HS2ST1: variants seen among roughly 807,000 people sequenced by gnomAD.
HS2ST1 encodes heparan sulfate 2-O-sulfotransferase 1.
A neutral mutation model predicts 42.9 loss-of-function variants in HS2ST1; 18 were observed. The ratio of observed to expected loss-of-function variants is 0.42; its 90% CI spans 0.29 to 0.62. The LOEUF (loss-of-function observed/expected upper bound fraction) is 0.62. HS2ST1 is among the 20% of genes least tolerant of loss of function. The pLI is 0.21. For missense variants in HS2ST1, 334 were observed against 433.8 expected (o/e 0.77, Z 2.04); for synonymous variants, 146 against 152.9 (o/e 0.95, Z 0.33).
At position 87,070,817 on chromosome 1, in the gene HS2ST1, C is replaced by T. The variant is rs1019937041; in HGVS notation, c.125-2117C>T. Among the ~76,000 whole-genome samples, 4 of 152,010 alleles carry T rather than the reference C, an allele frequency of 2.6e-5. No individual in the cohort carries two copies. The East Asian group carries it at 7.7e-4, about 29-fold the overall frequency. ...AGTTTATTTTATGGATTATCTTTTC[C>T]TACTTGCCTTTTAAATATTGGTATC... On this transcript the variant is annotated intron_variant, in intron 1 of 6. Coordinates refer to ENST00000370550, the MANE Select transcript of HS2ST1 (RefSeq NM_012262.4).
At chr1:86,955,260 T>C (rs1048819173) in intron 1 of HS2ST1, among the ~76,000 whole-genome samples, 1 of 152,142 alleles carries the variant, frequency 6.6e-6, no homozygotes, top group Admixed American at 6.5e-5. Flanking sequence ...AGTCATGTAG[T>C]GTAGGAGTCC....
At chr1:86,978,727 A>C (rs1475724096) in intron 1 of HS2ST1, among the ~76,000 whole-genome samples, 3 of 152,158 alleles carry the variant, frequency 2.0e-5, no homozygotes, top group African/African-American at 7.2e-5. Flanking sequence ...TGGAATTTTA[A>C]AAATTAAGAA....
chr1:87,046,482 C>G, intron 1 of HS2ST1: 2 of 1,155,156 alleles, frequency 1.7e-6, no homozygotes, highest in South Asian at 2.4e-5. Flanking sequence ...AAGGAATGGG[C>G]TAAATCAACT....
At chr1:87,036,558 A>G (rs1051687215) in intron 1 of HS2ST1, among the ~76,000 whole-genome samples, 2 of 152,218 alleles carry the variant, frequency 1.3e-5, no homozygotes, top group African/African-American at 4.8e-5. Flanking sequence ...ATGAGAAAAC[A>G]TGGACTAGGT....
chr1:87,059,318 C>T (rs993275605), intron 1 of HS2ST1, among the ~76,000 whole-genome samples: 1 of 152,210 alleles, frequency 6.6e-6, no homozygotes, highest in East Asian at 1.9e-4. Flanking sequence ...AAAGCCAGCT[C>T]TGTCCTTTTA....
At chr1:87,030,873 G>A (rs1166466314) in intron 1 of HS2ST1, among the ~76,000 whole-genome samples, 1 of 152,160 alleles carries the variant, frequency 6.6e-6, no homozygotes, top group East Asian at 1.9e-4. Flanking sequence ...TATACTGAGA[G>A]TCAGTTGTTT....
chr1:87,006,357 C>T (rs1012268882), intron 1 of HS2ST1, among the ~76,000 whole-genome samples: 24 of 152,080 alleles, frequency 1.6e-4, no homozygotes, highest in Admixed American at 1.6e-3. Context: ...TTTATTATTA[C>T]AGCACAACCC....
intron 4 of HS2ST1, among the ~76,000 whole-genome samples, chr1:87,096,294 TTGAA>T (rs1236087534): frequency 6.6e-6 from 1 of 152,202 alleles, no homozygotes; most frequent in Non-Finnish European, 1.5e-5. Context: ...GTTTTACACT[TTGAA>T]TGAATCTTTT....
At chr1:86,924,098 G>A (rs888321972) in intron 1 of HS2ST1, among the ~76,000 whole-genome samples, 4 of 152,168 alleles carry the variant, frequency 2.6e-5, no homozygotes, top group Admixed American at 2.6e-4. Context: ...GGAGAAATTG[G>A]CCAAAACAAA....
intron 1 of HS2ST1, among the ~76,000 whole-genome samples, chr1:86,957,112 T>C (rs1647697586): frequency 6.6e-6 from 1 of 152,226 alleles, no homozygotes; most frequent in African/African-American, 2.4e-5. Flanking sequence ...AATTTTTAGG[T>C]AATGAACAAG....
At chr1:87,020,470 A>G (rs1649910618) in intron 1 of HS2ST1, among the ~76,000 whole-genome samples, 1 of 152,202 alleles carries the variant, frequency 6.6e-6, no homozygotes, top group African/African-American at 2.4e-5. Flanking sequence ...CTTTTATCTC[A>G]AAAGGAGCAT....
At chr1:87,060,582 A>T (rs1651095496) in intron 1 of HS2ST1, among the ~76,000 whole-genome samples, 2 of 152,174 alleles carry the variant, frequency 1.3e-5, no homozygotes, top group Non-Finnish European at 2.9e-5. Flanking sequence ...ATAAACCACA[A>T]CACAGCATGG....
At chr1:86,933,112 T>C (rs1156972269) in intron 1 of HS2ST1, among the ~76,000 whole-genome samples, 1 of 152,196 alleles carries the variant, frequency 6.6e-6, no homozygotes, top group African/African-American at 2.4e-5. Flanking sequence ...CAAAGTTTTT[T>C]CATATGGATT....
At chr1:87,058,942 C>T (rs1294246433) in intron 1 of HS2ST1, among the ~76,000 whole-genome samples, 1 of 151,824 alleles carries the variant, frequency 6.6e-6, no homozygotes, top group African/African-American at 2.4e-5. Flanking sequence ...GCCTGTAGTC[C>T]CAGCTACTCG....
At chr1:87,038,709 A>G (rs1650445184) in intron 1 of HS2ST1, among the ~76,000 whole-genome samples, 1 of 152,160 alleles carries the variant, frequency 6.6e-6, no homozygotes, top group Non-Finnish European at 1.5e-5. Flanking sequence ...ATATTTGTGT[A>G]AAAATGAAGT....
At chr1:86,931,615 T>C (rs527445981) in intron 1 of HS2ST1, among the ~76,000 whole-genome samples, 2 of 152,060 alleles carry the variant, frequency 1.3e-5, no homozygotes. Flanking sequence ...GTGATAAGAA[T>C]TGAGTTAGGA....
At position 86,944,573 on chromosome 1, in the gene HS2ST1, T is replaced by C. The variant is rs1647272990; in HGVS notation, c.124+29413T>C. Among the ~76,000 whole-genome samples, 3 of 152,146 alleles carry C rather than the reference T, an allele frequency of 2.0e-5. No homozygotes were observed. In the South Asian group the frequency reaches 6.2e-4, roughly 32 times the overall value. On this transcript the variant is annotated intron_variant, in intron 1 of 6. Coordinates refer to ENST00000370550, the MANE Select transcript of HS2ST1 (RefSeq NM_012262.4). The stretch of plus-strand genomic sequence containing the variant: ...TTTCACCATGTTGACCAGGCTGGTC[T>C]CGAACTCCTGACCTCAAGTGATCCA...
At chr1:86,995,648 T>C (rs1649075701) in intron 1 of HS2ST1, among the ~76,000 whole-genome samples, 2 of 152,180 alleles carry the variant, frequency 1.3e-5, no homozygotes, top group Non-Finnish European at 2.9e-5. Context: ...ATCTTCTTTA[T>C]TGACTTAATG....
intron 1 of HS2ST1, among the ~76,000 whole-genome samples, chr1:87,057,811 A>G (rs1407048476): frequency 1.3e-5 from 2 of 151,624 alleles, no homozygotes; most frequent in East Asian, 1.9e-4. Flanking sequence ...AGATCATGCC[A>G]CTGCACTCCA....
Sources: allele counts gnomAD v4.1 joint callset (sites outside exome capture counted in the v4.1 genomes callset), GRCh38; gene constraint gnomAD v4.1.1; transcripts MANE v1.5; gene names NCBI Gene and HGNC (gene_info 2026-07-23, HGNC 2026-07-21).